CCDC192: variants seen among roughly 807,000 people sequenced by gnomAD.
CCDC192 encodes coiled-coil domain containing 192.
chr5:127,714,485 T>A (rs1272260780), intron 2 of CCDC192, among the ~76,000 whole-genome samples: 1 of 152,138 alleles, frequency 6.6e-6, no homozygotes, highest in Non-Finnish European at 1.5e-5. Flanking sequence ...GCCTCCCAGA[T>A]TCAAGTGATT....
At chr5:127,715,177 T>A (rs1024484992) in intron 2 of CCDC192, among the ~76,000 whole-genome samples, 11 of 152,170 alleles carry the variant, frequency 7.2e-5, no homozygotes, top group Admixed American at 1.3e-4. Context: ...GTTTTTGAGG[T>A]CTTATTCAAA....
chr5:127,704,096 T>C (rs1750826906), intron 1 of CCDC192, among the ~76,000 whole-genome samples: 1 of 152,230 alleles, frequency 6.6e-6, no homozygotes, highest in African/African-American at 2.4e-5. Context: ...GAGTGAGAGG[T>C]GGCCACATCT....
chr5:127,748,529 A>T (rs1354753012), intron 2 of CCDC192, among the ~76,000 whole-genome samples: 21 of 138,656 alleles, frequency 1.5e-4, no homozygotes, highest in African/African-American at 5.5e-4. Context: ...TATAGTTTGA[A>T]GTCAGGTAGT....
chr5:127,850,879 T>C (rs773874163), intron 5 of CCDC192, among the ~76,000 whole-genome samples: 29 of 152,092 alleles, frequency 1.9e-4, no homozygotes, highest in Non-Finnish European at 3.7e-4. Context: ...GGCAGAAGAA[T>C]CGCTTGAACC....
chr5:127,895,361 G>A (rs537104207), intron 6 of CCDC192, among the ~76,000 whole-genome samples: 1 of 152,168 alleles, frequency 6.6e-6, no homozygotes, highest in East Asian at 1.9e-4. Context: ...GAAAAGAAAA[G>A]CCAACGCCCA....
chr5:127,853,105 C>G lies in CCDC192; in HGVS notation c.412-22433C>G, dbSNP rs561037710. Among the ~76,000 whole-genome samples the G allele has an allele frequency of 1.5e-3, 232 of 152,022 alleles. 1 individual carries two copies. Among genetic ancestry groups the G allele is most frequent in the African/African-American group, 5.3e-3 (221 of 41,468 alleles). ...ACTGTCTCAGAAAAAAAAAATTCTG[C>G]TATCCCCATGCTGAAAGAGTCTGAA... On this transcript the variant is annotated intron_variant, in intron 5 of 6. Coordinates refer to ENST00000514853, the MANE Select transcript of CCDC192 (RefSeq NM_001317938.2).
intron 2 of CCDC192, among the ~76,000 whole-genome samples, chr5:127,752,112 G>A (rs1324691710): frequency 1.3e-5 from 2 of 152,174 alleles, no homozygotes; most frequent in Admixed American, 6.5e-5. Context: ...TCTTCCCTCA[G>A]CTCATCAAAG....
intron 6 of CCDC192, among the ~76,000 whole-genome samples, chr5:127,912,419 C>CAAAAAAAGAAA (rs1753397924): frequency 1.2e-5 from 1 of 81,452 alleles, no homozygotes; most frequent in Admixed American, 1.6e-4. Flanking sequence ...CTGGGTTTAG[C>CAAAAAAAGAAA]AAAAAAAAAA....
chr5:127,755,928 C>T (rs1284582097), intron 3 of CCDC192, among the ~76,000 whole-genome samples: 1 of 151,750 alleles, frequency 6.6e-6, no homozygotes, highest in African/African-American at 2.4e-5. Flanking sequence ...GTCAAGAGAT[C>T]GAGACCATCC....
chr5:127,717,260 G>A (rs1191529853), intron 2 of CCDC192, among the ~76,000 whole-genome samples: 6 of 152,222 alleles, frequency 3.9e-5, no homozygotes, highest in African/African-American at 1.4e-4. Flanking sequence ...GACACAAATA[G>A]TATGTAAATT....
chr5:127,777,714 C>T (rs1033322403), intron 3 of CCDC192, among the ~76,000 whole-genome samples: 58 of 152,288 alleles, frequency 3.8e-4, no homozygotes, highest in African/African-American at 1.3e-3. Flanking sequence ...GCCATTCCCC[C>T]ATACTGTTCT....
chr5:127,771,956 A>G (rs1755581126), intron 3 of CCDC192, among the ~76,000 whole-genome samples: 1 of 152,218 alleles, frequency 6.6e-6, no homozygotes, highest in African/African-American at 2.4e-5. Context: ...GGTTCCACAC[A>G]GGAAGAGGAG....
At chr5:127,780,614 A>G (rs951534941) in intron 3 of CCDC192, among the ~76,000 whole-genome samples, 1 of 152,056 alleles carries the variant, frequency 6.6e-6, no homozygotes, top group Non-Finnish European at 1.5e-5. Context: ...GGCCATTTGT[A>G]TATCTCATTT....
At chr5:127,905,584 G>A (rs1411830593) in intron 6 of CCDC192, among the ~76,000 whole-genome samples, 4 of 152,074 alleles carry the variant, frequency 2.6e-5, no homozygotes, top group Non-Finnish European at 4.4e-5. Flanking sequence ...AATATTTCAC[G>A]TTTAAGACCT....
At chr5:127,838,185 C>T (rs1294289335) in intron 5 of CCDC192, among the ~76,000 whole-genome samples, 1 of 152,176 alleles carries the variant, frequency 6.6e-6, no homozygotes, top group African/African-American at 2.4e-5. Context: ...ACTTTGTAGC[C>T]TCTGGGAAAG....
rs546923457 is a variant in CCDC192, at chr5:127,765,494, G to T, written c.222+11119G>T. Among the ~76,000 whole-genome samples the T allele has an allele frequency of 2.2e-4, 33 of 152,184 alleles. No individual in the cohort carries two copies. The South Asian group carries it at 5.2e-3, about 24-fold the overall frequency. On this transcript the variant is annotated intron_variant, in intron 3 of 6. Coordinates refer to ENST00000514853, the MANE Select transcript of CCDC192 (RefSeq NM_001317938.2). ...CTTTCTGATACAATAAATATCAGTA[G>T]ATATAGCCCACATTAACAAAAACTT...
intron 6 of CCDC192, among the ~76,000 whole-genome samples, chr5:127,904,023 A>G (rs1024470253): frequency 6.6e-6 from 1 of 152,194 alleles, no homozygotes; most frequent in African/African-American, 2.4e-5. Context: ...AGATGGGGAA[A>G]TTGTCCAGGT....
chr5:127,774,425 TG>T (rs1755741361), intron 3 of CCDC192, among the ~76,000 whole-genome samples: 1 of 152,240 alleles, frequency 6.6e-6, no homozygotes, highest in Non-Finnish European at 1.5e-5. Flanking sequence ...ACATCATTTT[TG>T]TTTATGAAGT....
At chr5:127,899,057 A>T (rs1752970486) in intron 6 of CCDC192, among the ~76,000 whole-genome samples, 2 of 152,098 alleles carry the variant, frequency 1.3e-5, no homozygotes, top group South Asian at 4.1e-4. Context: ...ATGAGGAATG[A>T]CTCACAGACA....
Sources: gnomAD v4.1 joint callset for allele counts (sites outside exome capture counted in the v4.1 genomes callset) on GRCh38, gnomAD v4.1.1 for gene constraint, MANE v1.5 for transcripts, NCBI Gene and HGNC (gene_info 2026-07-23, HGNC 2026-07-21) for gene names.